The following APOB variants were observed in gnomAD, a reference collection of about 807,000 sequenced individuals.
The protein encoded by APOB is apolipoprotein B, also known as apolipoprotein B-100.
APOB carries 153 observed loss-of-function variants against 314.1 expected under a neutral mutation model. That is an observed-to-expected ratio of 0.49 (90% confidence interval 0.43 to 0.56). The LOEUF (loss-of-function observed/expected upper bound fraction) is 0.56. Among genes scored for constraint, APOB ranks in the 20% least tolerant of loss-of-function variants. The pLI is 0.00. For synonymous variants in APOB, 2,087 were observed against 2,036.4 expected (o/e 1.02, Z -0.67); for missense variants, 5,430 against 5,350.7 (o/e 1.01, Z -0.46).
At chr2:21,039,152 G>T (rs749075680) in intron 4 of APOB, among the ~76,000 whole-genome samples, 4 of 152,214 alleles carry the variant, frequency 2.6e-5, no homozygotes, top group Non-Finnish European at 5.9e-5. Flanking sequence ...AGGGTATTAA[G>T]TATTTTAAAT....
chr2:21,012,767 G>A (rs981852133), intron 25 of APOB, 116 bp from the exon 26 acceptor site: 26 of 1,093,212 alleles, frequency 2.4e-5, no homozygotes, highest in Admixed American at 1.3e-4. Flanking sequence ...TTGTGCAATA[G>A]ACTCCTCCAT....
rs1165705991 is a variant in APOB at position 21,011,901 on chromosome 2, G to C, written c.4967C>G (p.Ala1656Gly). ...GAGACTACACTTCAAGTTGGTCGTT[G>C]CACTGGTAGATATTCCATCTTGGCC... The part of the protein sequence containing the change: ...RIGQDGISTS[A>G]TTNLKCSLLV... Residue 1656 changes from alanine to glycine, a missense_variant, in exon 26 of 29, where the codon GCA becomes GGA. Physicochemically the swap from Ala to Gly is moderately conservative, Grantham distance 60. Coordinates refer to ENST00000233242, the MANE Select transcript of APOB (RefSeq NM_000384.3). 1 of 1,613,898 alleles carries C rather than the reference G, an allele frequency of 6.2e-7. No individual in the cohort carries two copies. The highest frequency in any genetic ancestry group is 8.5e-7 in the Non-Finnish European group (1 of 1,180,018).
intron 24 of APOB, 57 bp from the exon 25 acceptor site, chr2:21,013,590 C>G (rs940026311): frequency 1.2e-6 from 2 of 1,611,104 alleles, no homozygotes; most frequent in African/African-American, 2.7e-5. Context: ...ATTCAAAGTT[C>G]TCTGCCTCTG....
At chr2:21,021,024 C>A (rs1303500334) in intron 18 of APOB, among the ~76,000 whole-genome samples, 1 of 152,216 alleles carries the variant, frequency 6.6e-6, no homozygotes, top group African/African-American at 2.4e-5. Flanking sequence ...CCTCTGTATA[C>A]TAATGATTCC....
intron 10 of APOB, among the ~76,000 whole-genome samples, 175 bp downstream of exon 10, chr2:21,032,179 T>C (rs1036574826): frequency 2.6e-5 from 4 of 152,208 alleles, no homozygotes; most frequent in African/African-American, 9.6e-5. Flanking sequence ...AAATTCAATT[T>C]GTGTTTGCTG....
chr2:21,013,613 A>G, intron 24 of APOB, 80 bp from the exon 25 acceptor site: 2 of 1,583,832 alleles, frequency 1.3e-6, no homozygotes, highest in African/African-American at 2.7e-5. Flanking sequence ...CTTCACAACA[A>G]TATTGTACTT....
Position 21,012,106 on chromosome 2 carries a change from C to T in APOB, c.4762G>A (p.Asp1588Asn). The T allele has an allele frequency of 6.2e-7, 1 of 1,611,874 alleles. No homozygotes were observed. Among genetic ancestry groups the T allele is most frequent in the Non-Finnish European group, 8.5e-7 (1 of 1,178,654 alleles). Residue 1588 changes from aspartate to asparagine, a missense_variant, in exon 26 of 29, where the codon GAT becomes AAT. Coordinates refer to ENST00000233242, the MANE Select transcript of APOB (RefSeq NM_000384.3). ...YKNFATSNKM[D>N]MTFSKQNALL... ...GCATTTTGCTTAGAGAAGGTCATAT[C>T]CATCTTGTTAGAAGTGGCAAAGTTC...
rs372560942 is a variant in APOB at position 21,030,705 on chromosome 2, G to A, written c.1353-690C>T. ...AATATTTGCAAACTATTCATCCAAT[G>A]GGGTACTAATATCCGGAATGTACAA... On this transcript the variant is annotated intron_variant, in intron 10 of 28. Coordinates refer to ENST00000233242, the MANE Select transcript of APOB (RefSeq NM_000384.3). 9.2e-5 allele frequency among the ~76,000 whole-genome samples: 14 copies of A among 152,196 alleles called. No homozygotes were observed. In the South Asian group the frequency reaches 2.7e-3, roughly 29 times the overall value.
In APOB at chr2:21,041,342, G is replaced by A. The variant is rs555795529; in HGVS notation, c.238-259C>T. ...AGTTTGCCCCTAGGCATGGGAAGGA[G>A]GATGTCCTTTTATTGGTTCTAAAGT... On this transcript the variant is annotated intron_variant, in intron 3 of 28. Coordinates refer to ENST00000233242, the MANE Select transcript of APOB (RefSeq NM_000384.3). Among the ~76,000 whole-genome samples, 195 of 152,354 alleles carry A rather than the reference G, an allele frequency of 1.3e-3. 1 individual carries two copies. Among genetic ancestry groups the A allele is most frequent in the Middle Eastern group, 6.8e-3 (2 of 294 alleles).
Position 21,005,619 on chromosome 2 carries a change from T to C in APOB, c.11249A>G (p.His3750Arg), listed in dbSNP as rs1663108263. The C allele has an allele frequency of 6.2e-7, 1 of 1,613,998 alleles. No homozygotes were observed. Among genetic ancestry groups the C allele is most frequent in the South Asian group, 1.1e-5 (1 of 91,086 alleles). ...LNSVLVMPTF[H>R]VPFTDLQVPS... ...AACCTGAAGATCTGTAAATGGGACATGGAACGTAGGCATGACAAGAACTGA... is the reference window on the plus strand; with the variant it reads ...AACCTGAAGATCTGTAAATGGGACACGGAACGTAGGCATGACAAGAACTGA... Residue 3750 changes from histidine (H) to arginine (R), a missense_variant, in exon 26 of 29, where the codon CAT becomes CGT. Physicochemically the swap from His to Arg is conservative, Grantham distance 29. Around this residue, in one of 3 missense-constraint regions of APOB, gnomAD observed 3,281 missense variants for 3,171.0 expected, o/e 1.03. Transcript: ENST00000233242.
Position 21,008,115 on chromosome 2 carries a change from T to C in APOB, c.8753A>G (p.His2918Arg). 4 of 1,614,072 alleles carry C rather than the reference T, an allele frequency of 2.5e-6. No homozygotes were observed. The highest frequency in any genetic ancestry group is 2.2e-5 in the South Asian group (2 of 91,052). ...TTTTCCAGAAGAAGTCCATGCTATGTGGCCAGCTTTCAACAGTGTCTTGAT... is the reference window on the plus strand; with the variant it reads ...TTTTCCAGAAGAAGTCCATGCTATGCGGCCAGCTTTCAACAGTGTCTTGAT... ...NEIKTLLKAG[H>R]IAWTSSGKGS... Residue 2918 changes from histidine to arginine, a missense_variant, in exon 26 of 29, where the codon CAC (histidine) becomes CGC (arginine). Around this residue, in one of 3 missense-constraint regions of APOB, gnomAD observed 3,281 missense variants for 3,171.0 expected, o/e 1.03. Coordinates refer to ENST00000233242, the MANE Select transcript of APOB (RefSeq NM_000384.3).
Position 21,012,649 on chromosome 2 carries a change from A to C in APOB, c.4219T>G (p.Ser1407Ala). ...TTGTGGTCATATGTTGTTTCTCCAG[A>C]TCCTAACATAAAAATGAAAAGACAT... ...VDLLSYNVQGSGETTYDHKNT... is the reference protein window; with the variant it reads ...VDLLSYNVQGAGETTYDHKNT... The change falls in exon 26 of 29, where the codon TCT becomes GCT. Residue 1407 changes from serine (S) to alanine (A), a missense_variant and splice_region_variant. This residue lies in a region of APOB where 2,085 missense variants were observed against 2,079.7 expected (regional missense o/e 1.00). Coordinates refer to ENST00000233242, the MANE Select transcript of APOB (RefSeq NM_000384.3). 1 of 1,611,048 alleles carries C rather than the reference A, an allele frequency of 6.2e-7. No homozygotes were observed. Among genetic ancestry groups the C allele is most frequent in the African/African-American group, 1.3e-5 (1 of 75,034 alleles).
At chr2:21,033,053 A>G (rs916081268) in intron 9 of APOB, among the ~76,000 whole-genome samples, 3 of 152,192 alleles carry the variant, frequency 2.0e-5, no homozygotes, top group African/African-American at 7.2e-5. Flanking sequence ...AAAATGTGGG[A>G]ACTATTCTCC....
chr2:21,028,209 A>G lies in APOB; in HGVS notation c.1829+118T>C. On this transcript the variant is annotated intron_variant, in intron 13 of 28. Transcript: ENST00000233242. The stretch of plus-strand genomic sequence containing the variant: ...AAGTCTTTGGGTCTAGATCTGCTAC[A>G]CATTTGCACAAGTGTTTGTTTCAGA... 4.4e-6 allele frequency: 5 copies of G among 1,143,512 alleles called. No homozygotes were observed. The South Asian group carries it at 5.0e-5, about 11-fold the overall frequency. The allele number at this position is 1,143,512 out of a possible 1,614,324, so 70.8% of individuals were successfully genotyped here. A position where few individuals can be genotyped will look rare whatever the true frequency, so the allele number is the denominator to read the frequency against.
At chr2:21,013,663 A>T in intron 24 of APOB, 130 bp from the exon 25 acceptor site, 1 of 1,304,614 alleles carries the variant, frequency 7.7e-7, no homozygotes. Flanking sequence ...TCTTTGTGCT[A>T]CTCCTATGCC....
Position 21,002,231 on chromosome 2 carries a change from T to C in APOB, c.13191A>G (p.Thr4397=), listed in dbSNP as rs201618350. The change falls in exon 29 of 29, where the codon ACA becomes ACG. Residue 4397 remains threonine (T), a synonymous_variant. Transcript: ENST00000233242. ...TTTCTTCAAGTTCATAATATTTCAC[T>C]GTCCAGCCAACTATACTTGGATCAA... ...EYFDPSIVGW[T]VKYYELEEKI... is the part of the protein sequence containing the mutation. 38 of 1,614,036 alleles carry C rather than the reference T, an allele frequency of 2.4e-5. No individual in the cohort carries two copies. In the East Asian group the frequency reaches 7.4e-4, roughly 31 times the overall value.
intron 20 of APOB, among the ~76,000 whole-genome samples, chr2:21,017,695 G>A (rs1663512968): frequency 6.6e-6 from 1 of 152,086 alleles, no homozygotes. Context: ...CTTGCCCTGG[G>A]CTCCATCTCC....
At chr2:21,035,408 G>A (rs1262529490) in intron 7 of APOB, among the ~76,000 whole-genome samples, 176 bp downstream of exon 7, 5 of 152,104 alleles carry the variant, frequency 3.3e-5, no homozygotes. Flanking sequence ...TGCATGCCTA[G>A]GACTTTTCTG....
intron 19 of APOB, 138 bp from the exon 20 acceptor site, chr2:21,019,251 T>C: frequency 8.9e-7 from 1 of 1,129,502 alleles, no homozygotes; most frequent in Non-Finnish European, 1.3e-6. Context: ...TTAACTAAGA[T>C]GATCTTTTTG....
Sources: gnomAD v4.1 joint callset for allele counts (sites outside exome capture counted in the v4.1 genomes callset) on GRCh38, gnomAD v4.1.1 for gene constraint, gnomAD v4.1.1 regional missense constraint, MANE v1.5 for transcripts, NCBI Gene and HGNC (gene_info 2026-07-23, HGNC 2026-07-21) for gene names.